LRP8: variants seen among roughly 807,000 people sequenced by gnomAD.
LRP8 encodes the protein LDL receptor related protein 8.
LRP8 carries 46 observed loss-of-function variants against 111.6 expected under a neutral mutation model. The observed-to-expected ratio is 0.41, with a 90% CI of 0.33 to 0.53. LRP8 has a LOEUF of 0.53. LRP8 is among the 20% of genes least tolerant of loss of function. The pLI, the probability that LRP8 is intolerant of heterozygous loss-of-function variation, is 0.20. For synonymous variants in LRP8, 464 were observed against 511.2 expected, an observed-to-expected ratio of 0.91 and a Z score of 1.24; for missense variants, 959 against 1,297.4, an observed-to-expected ratio of 0.74 and a Z score of 4.01.
intron 2 of LRP8, among the ~76,000 whole-genome samples, chr1:53,299,561 G>A (rs1296433689): frequency 6.6e-6 from 1 of 152,202 alleles, no homozygotes; most frequent in Non-Finnish European, 1.5e-5. Context: ...CAGGAGGCTG[G>A]TGTGAGCTCT....
At chr1:53,301,815 TGCAA>T (rs912663471) in intron 2 of LRP8, among the ~76,000 whole-genome samples, 2 of 151,978 alleles carry the variant, frequency 1.3e-5, no homozygotes, top group Non-Finnish European at 2.9e-5. Flanking sequence ...CCGAATGCTG[TGCAA>T]GCAAAGGAAA....
chr1:53,301,037 G>A (rs1414887041), intron 2 of LRP8, among the ~76,000 whole-genome samples: 11 of 152,180 alleles, frequency 7.2e-5, no homozygotes, highest in Non-Finnish European at 1.6e-4. Flanking sequence ...GGGGTGGGGT[G>A]GAGTGGTGTG....
intron 6 of LRP8, among the ~76,000 whole-genome samples, chr1:53,274,533 G>A (rs550140592): frequency 3.8e-4 from 58 of 152,360 alleles, no homozygotes; most frequent in Admixed American, 3.3e-3. Flanking sequence ...CCAGAGGCCT[G>A]GGGGCGAAAA....
chr1:53,321,021 G>C (rs558112308), intron 2 of LRP8, among the ~76,000 whole-genome samples: 97 of 152,328 alleles, frequency 6.4e-4, no homozygotes, highest in Non-Finnish European at 1.1e-3. Context: ...GCCCTCCCAG[G>C]GTTGTGAGTA....
At chr1:53,269,325 T>A (rs1186672005) in intron 8 of LRP8, among the ~76,000 whole-genome samples, 1 of 150,182 alleles carries the variant, frequency 6.7e-6, no homozygotes, top group Non-Finnish European at 1.5e-5. Context: ...TTATTATTAT[T>A]TTTTTTTTTA....
In LRP8 at chr1:53,246,852, T is replaced by G. The variant is rs534167498; in HGVS notation, c.*166A>C. ...TCCTTTGGATGTTTGCAGTTCATCA[T>G]AACTTTGTGGTTACCTTTCCGCAAC... On this transcript the variant is annotated 3_prime_UTR_variant, in exon 19 of 19. Transcript: ENST00000306052. 2 of 607,542 alleles carry G rather than the reference T, an allele frequency of 3.3e-6. No individual in the cohort carries two copies. Among genetic ancestry groups the G allele is most frequent in the Non-Finnish European group, 5.7e-6 (2 of 349,988 alleles). 37.6% of individuals were successfully genotyped at this position (607,542 alleles called of 1,614,324 possible).
At chr1:53,285,367 G>A (rs1247930162) in intron 3 of LRP8, among the ~76,000 whole-genome samples, 1 of 152,166 alleles carries the variant, frequency 6.6e-6, no homozygotes, top group African/African-American at 2.4e-5. Context: ...GCCATCTGAT[G>A]TCCACTCTCA....
rs139974918 is a variant in LRP8, at chr1:53,266,610, G to A, written c.1290C>T (p.His430=). ...TCACCAGGTCGATCCTCCGCACCTCGTGCCGGTTGGTGAAGATTAGGGATG... is the reference window on the plus strand; with the variant it reads ...TCACCAGGTCGATCCTCCGCACCTCATGCCGGTTGGTGAAGATTAGGGATG... ...KSPSLIFTNR[H]EVRRIDLVKR... is the part of the protein sequence containing the mutation. Residue 430 remains histidine (H), a synonymous_variant, in exon 9 of 19, where the codon CAC becomes CAT. Transcript: ENST00000306052. The surrounding 1 kb of genome is among the most constrained non-coding windows in gnomAD (Gnocchi z 5.0). 1.7e-5 allele frequency: 27 copies of A among 1,614,132 alleles called. No individual in the cohort carries two copies. The highest frequency in any genetic ancestry group is 1.7e-4 in the Middle Eastern group (1 of 6,058).
intron 2 of LRP8, among the ~76,000 whole-genome samples, chr1:53,298,287 G>A (rs1020762864): frequency 3.3e-5 from 5 of 152,144 alleles, no homozygotes; most frequent in Admixed American, 2.0e-4. Context: ...GACCGACAAA[G>A]GCGTCTTCCT....
At chr1:53,254,493 T>A (rs1245632599) in intron 16 of LRP8, among the ~76,000 whole-genome samples, 1 of 152,032 alleles carries the variant, frequency 6.6e-6, no homozygotes, top group Non-Finnish European at 1.5e-5. Context: ...GCACTGTCTC[T>A]GAAGTCAGTG....
rs145709202 is a variant in LRP8 at position 53,280,450 on chromosome 1, A to G, written c.496+137T>C. 9,833 of 1,062,252 alleles carry G rather than the reference A, an allele frequency of 9.3e-3. 69 individuals carry two copies. Among genetic ancestry groups the G allele is most frequent in the Non-Finnish European group, 0.011 (8,298 of 749,478 alleles). The allele number at this position is 1,062,252 out of a possible 1,614,324, so 65.8% of individuals were successfully genotyped here. On this transcript the variant is annotated intron_variant, in intron 4 of 18. Transcript: ENST00000306052. ...GTCTCCATAGAATCTAGCCATTACT[A>G]GTGTCCTGATCGTTATCCTTTCCTC...
intron 13 of LRP8, among the ~76,000 whole-genome samples, chr1:53,259,604 A>T (rs1399762725): frequency 6.6e-6 from 1 of 150,820 alleles, no homozygotes; most frequent in Non-Finnish European, 1.5e-5. Flanking sequence ...TTTAAGAGGT[A>T]GGGGTCTTGC....
In LRP8 at chr1:53,246,867, C is replaced by A. The variant is rs936040642; in HGVS notation, c.*151G>T. 5.4e-5 allele frequency: 35 copies of A among 646,438 alleles called. No homozygotes were observed. The highest frequency in any genetic ancestry group is 1.6e-4 in the South Asian group (8 of 49,694). 40.0% of individuals were successfully genotyped at this position (646,438 alleles called of 1,614,324 possible). ...CAGTTCATCATAACTTTGTGGTTAC[C>A]TTTCCGCAACATAAATTTAAAAAAA... On this transcript the variant is annotated 3_prime_UTR_variant, in exon 19 of 19. Transcript: ENST00000306052.
In LRP8 at chr1:53,313,195, C is replaced by A. The variant is rs1390027385; in HGVS notation, c.244+13678G>T. ...AAGTTAGGGGCTGGTGCCCCCAGGG[C>A]GTGGCCTGCTTTCCCATCTGTAGAT... On this transcript the variant is annotated intron_variant, in intron 2 of 18. Coordinates refer to ENST00000306052, the MANE Select transcript of LRP8 (RefSeq NM_004631.5). Among the ~76,000 whole-genome samples the A allele has an allele frequency of 3.9e-5, 6 of 152,332 alleles. No homozygotes were observed. In the East Asian group the frequency reaches 7.7e-4, roughly 20 times the overall value.
At chr1:53,323,951 C>T (rs531431385) in intron 2 of LRP8, among the ~76,000 whole-genome samples, 36 of 152,226 alleles carry the variant, frequency 2.4e-4, no homozygotes, top group Non-Finnish European at 4.6e-4. Flanking sequence ...TCCCTCCTTC[C>T]AGCCTCTTGG....
chr1:53,260,726 G>A (rs1646301577), intron 12 of LRP8, 121 bp from the exon 13 acceptor site: 4 of 961,252 alleles, frequency 4.2e-6, no homozygotes, highest in African/African-American at 3.3e-5. Context: ...GATCTGTCCT[G>A]TCTATGGATT....
At chr1:53,311,593 G>A (rs191060829) in intron 2 of LRP8, among the ~76,000 whole-genome samples, 1 of 144,678 alleles carries the variant, frequency 6.9e-6, no homozygotes, top group Non-Finnish European at 1.5e-5. Context: ...GACCCTCCCT[G>A]CCCCCAGCCT....
Position 53,289,579 on chromosome 1 carries a change from C to G in LRP8, c.355G>C (p.Glu119Gln). 6.2e-7 allele frequency: 1 copy of G among 1,603,188 alleles called. No homozygotes were observed. Among genetic ancestry groups the G allele is most frequent in the Non-Finnish European group, 8.5e-7 (1 of 1,174,566 alleles). Residue 119 changes from glutamate to glutamine, a missense_variant, in exon 3 of 19, where the codon GAG (glutamate) becomes CAG (glutamine). This residue lies in a region of LRP8 where 43 missense variants were observed against 92.4 expected (regional missense o/e 0.47). Coordinates refer to ENST00000306052, the MANE Select transcript of LRP8 (RefSeq NM_004631.5). ...EECPDGSDESEATCTKQVCPA... is the reference protein window; with the variant it reads ...EECPDGSDESQATCTKQVCPA... Reference sequence around the variant, plus strand: ...GGGCAGGACTCACTGCAAGTGGCCTCGGACTCATCGGAGCCATCAGGACAC... The same window carrying G: ...GGGCAGGACTCACTGCAAGTGGCCTGGGACTCATCGGAGCCATCAGGACAC...
intron 2 of LRP8, among the ~76,000 whole-genome samples, chr1:53,324,793 C>T (rs756369463): frequency 1.3e-5 from 2 of 152,136 alleles, no homozygotes; most frequent in East Asian, 1.9e-4. Flanking sequence ...ATTTAAAGCC[C>T]GTCTTTCCAG....
Sources: allele counts gnomAD v4.1 joint callset (sites outside exome capture counted in the v4.1 genomes callset), GRCh38; gene constraint gnomAD v4.1.1; regional missense constraint gnomAD v4.1.1; non-coding constraint Gnocchi (gnomAD v3.1); transcripts MANE v1.5; gene names NCBI Gene and HGNC (gene_info 2026-07-23, HGNC 2026-07-21).